Variants in HHAT observed in about 807,000 individuals in gnomAD.
HHAT encodes hedgehog acyltransferase.
Under a neutral mutation model 70.8 loss-of-function variants are expected in HHAT, and 47 were observed. That is an observed-to-expected ratio of 0.66 (90% CI 0.53 to 0.85). HHAT has a LOEUF of 0.85. Ranked by LOEUF, HHAT falls within the 40% of genes least tolerant of loss-of-function variation. The pLI is 0.00. For synonymous variants in HHAT, 228 were observed against 247.6 expected, an observed-to-expected ratio of 0.92 and a Z score of 0.74; for missense variants, 609 against 604.8, an observed-to-expected ratio of 1.01 and a Z score of -0.07.
intron 8 of HHAT, among the ~76,000 whole-genome samples, chr1:210,480,656 C>T (rs994210519): frequency 4.6e-5 from 7 of 152,200 alleles, no homozygotes; most frequent in Non-Finnish European, 8.8e-5. Flanking sequence ...TTTCCATCTA[C>T]AGTCTGCCTC....
At chr1:210,517,272 T>C (rs1002976041) in intron 9 of HHAT, among the ~76,000 whole-genome samples, 4 of 152,188 alleles carry the variant, frequency 2.6e-5, no homozygotes, top group Non-Finnish European at 5.9e-5. Context: ...GACTGAGGCA[T>C]TTTTCTTTTA....
chr1:210,672,022 C>CT (rs1393306132), intron 11 of HHAT, among the ~76,000 whole-genome samples: 1 of 152,200 alleles, frequency 6.6e-6, no homozygotes, highest in Admixed American at 6.5e-5. Context: ...CTATTACTAC[C>CT]TTTTTTTAGT....
intron 11 of HHAT, among the ~76,000 whole-genome samples, chr1:210,658,673 C>T (rs1014629308): frequency 3.9e-5 from 6 of 152,150 alleles, no homozygotes; most frequent in Admixed American, 1.3e-4. Flanking sequence ...CCAAAACTGA[C>T]CACATAGTTG....
intron 9 of HHAT, among the ~76,000 whole-genome samples, chr1:210,579,395 T>C (rs974623458): frequency 6.6e-6 from 1 of 152,104 alleles, no homozygotes; most frequent in African/African-American, 2.4e-5. Context: ...AAATATTAGT[T>C]ATGCAAGATG....
At chr1:210,422,254 G>A (rs950593488) in intron 7 of HHAT, among the ~76,000 whole-genome samples, 1 of 152,112 alleles carries the variant, frequency 6.6e-6, no homozygotes, top group Non-Finnish European at 1.5e-5. Flanking sequence ...ATCACAAATA[G>A]TTATCATTTC....
chr1:210,464,092 TAATTA>T (rs2094041863), intron 7 of HHAT, among the ~76,000 whole-genome samples: 2 of 152,232 alleles, frequency 1.3e-5, no homozygotes, highest in African/African-American at 4.8e-5. Context: ...AATGTGTATT[TAATTA>T]TTGACTAAAG....
At chr1:210,449,454 C>T (rs568299724) in intron 7 of HHAT, among the ~76,000 whole-genome samples, 2 of 152,330 alleles carry the variant, frequency 1.3e-5, no homozygotes, top group East Asian at 3.9e-4. Context: ...CCCGTCTACA[C>T]TTTTTCCTCC....
At chr1:210,451,087 CAAAAAAAAAAAA>C (rs36045825) in intron 7 of HHAT, among the ~76,000 whole-genome samples, 406 of 91,674 alleles carry the variant, frequency 4.4e-3, no homozygotes, top group African/African-American at 0.016. Flanking sequence ...ACTCCATCTC[CAAAAAAAAAAAA>C]AAAAAAAAAG....
intron 6 of HHAT, among the ~76,000 whole-genome samples, chr1:210,409,497 G>A (rs1052092963): frequency 2.0e-5 from 3 of 152,066 alleles, no homozygotes; most frequent in Non-Finnish European, 4.4e-5. Flanking sequence ...GGAGTAATGT[G>A]GGTCTGATTA....
Position 210,353,743 on chromosome 1 carries a change from A to G in HHAT, c.91+4677A>G, listed in dbSNP as rs150347637. 2.7e-3 allele frequency among the ~76,000 whole-genome samples: 412 copies of G among 151,712 alleles called. 5 individuals are homozygous for G. The highest frequency in any genetic ancestry group is 9.5e-3 in the African/African-American group (395 of 41,366). On this transcript the variant is annotated intron_variant, in intron 2 of 11. Transcript: ENST00000261458. ...CTTCTATTTTTTCTTTCTTTGATCAACGGTGCCAGAGATCTTATTAATCTT... is the reference window on the plus strand; with the variant it reads ...CTTCTATTTTTTCTTTCTTTGATCAGCGGTGCCAGAGATCTTATTAATCTT...
At chr1:210,358,178 G>T (rs551723228) in intron 2 of HHAT, among the ~76,000 whole-genome samples, 23 of 152,274 alleles carry the variant, frequency 1.5e-4, no homozygotes, top group African/African-American at 5.1e-4. Context: ...TCAGACCCCT[G>T]AACATGCACA....
chr1:210,366,206 C>T (rs944802824), intron 3 of HHAT, among the ~76,000 whole-genome samples: 15 of 152,146 alleles, frequency 9.9e-5, no homozygotes, highest in Non-Finnish European at 1.9e-4. Context: ...GCTATGCTGC[C>T]TGGCCACTAC....
chr1:210,353,434 G>GTTT (rs10541502), intron 2 of HHAT, among the ~76,000 whole-genome samples: 1 of 114,416 alleles, frequency 8.7e-6, no homozygotes, highest in African/African-American at 3.2e-5. Context: ...GAAGTCACCT[G>GTTT]TTTTTTTTTT....
At chr1:210,429,225 TCCTA>T (rs1456723287) in intron 7 of HHAT, among the ~76,000 whole-genome samples, 1 of 151,822 alleles carries the variant, frequency 6.6e-6, no homozygotes, top group Non-Finnish European at 1.5e-5. Context: ...AGTAACATTC[TCCTA>T]CCTAACTACA....
At chr1:210,389,410 A>G (rs2091303835) in intron 4 of HHAT, among the ~76,000 whole-genome samples, 1 of 152,170 alleles carries the variant, frequency 6.6e-6, no homozygotes, top group Non-Finnish European at 1.5e-5. Flanking sequence ...TAACTCATTA[A>G]TTCATGACAT....
intron 6 of HHAT, among the ~76,000 whole-genome samples, chr1:210,406,904 C>CCT (rs1261555466): frequency 1.3e-5 from 2 of 151,994 alleles, no homozygotes; most frequent in African/African-American, 4.8e-5. Context: ...CTTTTCCTTC[C>CCT]CTCTCTCTCT....
At chr1:210,540,748 A>T (rs1238029351) in intron 9 of HHAT, among the ~76,000 whole-genome samples, 1 of 151,876 alleles carries the variant, frequency 6.6e-6, no homozygotes, top group East Asian at 1.9e-4. Flanking sequence ...GGCTCAAGTT[A>T]TCCTCCCCTG....
At chr1:210,562,687 A>G (rs12748330) in intron 9 of HHAT, among the ~76,000 whole-genome samples, 37,685 of 151,044 alleles carry the variant, frequency 0.25, 4,836 homozygotes, top group Middle Eastern at 0.29. Context: ...TAAGTTTTAG[A>G]GTACATGTGC....
At chr1:210,491,085 GTC>G (rs1349777130) in intron 8 of HHAT, among the ~76,000 whole-genome samples, 2 of 151,682 alleles carry the variant, frequency 1.3e-5, no homozygotes, top group African/African-American at 4.8e-5. Flanking sequence ...GTGTGTGTGT[GTC>G]TGTGTGTCTG....
Sources: gnomAD v4.1 joint callset for allele counts (sites outside exome capture counted in the v4.1 genomes callset) on GRCh38, gnomAD v4.1.1 for gene constraint, MANE v1.5 for transcripts, NCBI Gene and HGNC (gene_info 2026-07-23, HGNC 2026-07-21) for gene names.